PTGER4: variants seen among roughly 807,000 people sequenced by gnomAD.
PTGER4 encodes prostaglandin E2 receptor EP4 subtype.
A neutral mutation model predicts 33.2 loss-of-function variants in PTGER4; 11 were observed. The observed-to-expected ratio is 0.33, with a 90% CI of 0.21 to 0.55. The LOEUF (loss-of-function observed/expected upper bound fraction) is 0.55, where lower values mean the gene tolerates loss of function less well. PTGER4 is among the 20% of genes least tolerant of loss of function. The pLI is 0.92. For synonymous variants in PTGER4, 275 were observed against 281.5 expected (o/e 0.98, Z 0.23); for missense variants, 481 against 650.2 (o/e 0.74, Z 2.83).
chr5:40,710,951 T>A, the PTGER4 span, among the ~76,000 whole-genome samples: 58 of 152,064 alleles, frequency 3.8e-4, no homozygotes, highest in African/African-American at 1.4e-3. Context: ...AGGGGAGAGA[T>A]AGCATTAGGA....
At position 40,693,381 on chromosome 5, in the gene PTGER4, G is replaced by A. The variant is rs1024814002; in HGVS notation, c.*1003G>A. On this transcript the variant is annotated 3_prime_UTR_variant, in exon 3 of 3. Transcript: ENST00000302472. ...GTGTGTGTAGTTTTACTTTCCTAAGGAATTACCAAGAATATCCTTTAAAAT... is the reference window on the plus strand; with the variant it reads ...GTGTGTGTAGTTTTACTTTCCTAAGAAATTACCAAGAATATCCTTTAAAAT... The A allele has an allele frequency of 1.0e-6, 1 of 984,262 alleles. No individual in the cohort carries two copies. Among genetic ancestry groups the A allele is most frequent in the African/African-American group, 1.7e-5 (1 of 57,156 alleles). 61.0% of individuals were successfully genotyped at this position (984,262 alleles called of 1,614,324 possible). A position where few individuals can be genotyped will look rare whatever the true frequency, so the allele number is the denominator to read the frequency against.
chr5:40,735,482 T>C, the PTGER4 span, among the ~76,000 whole-genome samples: 2 of 152,304 alleles, frequency 1.3e-5, no homozygotes, highest in South Asian at 4.1e-4. Context: ...TAATTTGGGT[T>C]ACCTGGAAAA....
At chr5:40,726,462 C>CT in the PTGER4 span, among the ~76,000 whole-genome samples, 1,074 of 146,432 alleles carry the variant, frequency 7.3e-3, 8 homozygotes, top group African/African-American at 0.024. Flanking sequence ...TTTGAGTCAT[C>CT]TTTTTTTTTT....
chr5:40,743,292 G>C, the PTGER4 span, among the ~76,000 whole-genome samples: 2 of 152,156 alleles, frequency 1.3e-5, no homozygotes. Flanking sequence ...TTTTCAGACA[G>C]AGTCATAGCA....
At chr5:40,733,059 C>T in the PTGER4 span, among the ~76,000 whole-genome samples, 2 of 152,092 alleles carry the variant, frequency 1.3e-5, no homozygotes, top group Non-Finnish European at 2.9e-5. Flanking sequence ...CAAATTCTAT[C>T]CTAAGACAAA....
chr5:40,730,311 G>A, the PTGER4 span: 1 of 1,612,242 alleles, frequency 6.2e-7, no homozygotes, highest in South Asian at 1.1e-5. Flanking sequence ...TAACTGTAGT[G>A]CTTCATCCCA....
the PTGER4 span, among the ~76,000 whole-genome samples, chr5:40,700,427 G>GC: frequency 6.6e-6 from 1 of 152,224 alleles, no homozygotes; most frequent in Non-Finnish European, 1.5e-5. Context: ...TAACGAAGGA[G>GC]CAAAGACCCT....
the PTGER4 span, among the ~76,000 whole-genome samples, chr5:40,728,652 C>T: frequency 6.6e-6 from 1 of 152,100 alleles, no homozygotes; most frequent in East Asian, 1.9e-4. Flanking sequence ...CTTTTCACCC[C>T]TTATATAACT....
chr5:40,693,102 A>C lies in PTGER4; in HGVS notation c.*724A>C. The C allele has an allele frequency of 1.1e-6, 1 of 942,240 alleles. No homozygotes were observed. The highest frequency in any genetic ancestry group is 1.3e-6 in the Non-Finnish European group (1 of 790,378). The allele number at this position is 942,240 out of a possible 1,614,324, so 58.4% of individuals were successfully genotyped here. ...TTTAAGATGTGAAAATTACAGTCCA[A>C]AATACTGTTCTTTCCAGGCTATGTA... On this transcript the variant is annotated 3_prime_UTR_variant, in exon 3 of 3. Coordinates refer to ENST00000302472, the MANE Select transcript of PTGER4 (RefSeq NM_000958.3).
chr5:40,741,255 G>C, the PTGER4 span, among the ~76,000 whole-genome samples: 4 of 152,144 alleles, frequency 2.6e-5, no homozygotes, highest in Non-Finnish European at 5.9e-5. Context: ...AGGTTTTCTA[G>C]GGAAGGTCTG....
Position 40,680,837 on chromosome 5 carries a change from G to A in PTGER4, c.-43-114G>A, listed in dbSNP as rs925493957. 2.1e-6 allele frequency: 2 copies of A among 962,794 alleles called. No individual in the cohort carries two copies. The highest frequency in any genetic ancestry group is 1.7e-5 in the South Asian group (1 of 60,070). The allele number at this position is 962,794 out of a possible 1,614,324, so 59.6% of individuals were successfully genotyped here. A position where few individuals can be genotyped will look rare whatever the true frequency, so the allele number is the denominator to read the frequency against. On this transcript the variant is annotated intron_variant, in intron 1 of 2. Transcript: ENST00000302472. The surrounding 1 kb of genome is among the most constrained non-coding windows in gnomAD (Gnocchi z 5.5). ...TAAGTGGCTACAATCCAGAAAGTAG[G>A]ATCGAGTTGCTCCCCTTGTCTTATC... is the stretch of plus-strand genomic sequence containing the variant.
the PTGER4 span, among the ~76,000 whole-genome samples, chr5:40,711,075 A>C: frequency 6.6e-6 from 1 of 152,050 alleles, no homozygotes; most frequent in Non-Finnish European, 1.5e-5. Flanking sequence ...TTAATGTATA[A>C]TAAAAATATG....
the PTGER4 span, among the ~76,000 whole-genome samples, chr5:40,731,647 G>C: frequency 4.2e-3 from 635 of 152,276 alleles, 3 homozygotes; most frequent in African/African-American, 0.015. Context: ...AGAAACTGCC[G>C]CCATAATTCA....
the PTGER4 span, among the ~76,000 whole-genome samples, chr5:40,735,036 G>C: frequency 6.6e-6 from 1 of 152,150 alleles, no homozygotes; most frequent in Non-Finnish European, 1.5e-5. Flanking sequence ...GTCCATTCCA[G>C]GCAAAGGGAA....
At chr5:40,687,570 A>G (rs1314982011) in intron 2 of PTGER4, among the ~76,000 whole-genome samples, 1 of 152,212 alleles carries the variant, frequency 6.6e-6, no homozygotes, top group Non-Finnish European at 1.5e-5. Context: ...TAGCCTACTT[A>G]AAGTGAAGCA....
chr5:40,717,137 G>A, the PTGER4 span, among the ~76,000 whole-genome samples: 3 of 149,416 alleles, frequency 2.0e-5, no homozygotes, highest in Non-Finnish European at 4.4e-5. Context: ...GGTGAGGCAG[G>A]AGAATCGCTT....
the PTGER4 span, among the ~76,000 whole-genome samples, chr5:40,738,730 T>A: frequency 6.6e-6 from 1 of 152,150 alleles, no homozygotes; most frequent in Non-Finnish European, 1.5e-5. Flanking sequence ...ATCTTTTCAA[T>A]GTTAGCATTC....
At chr5:40,713,929 A>C in the PTGER4 span, among the ~76,000 whole-genome samples, 1 of 152,188 alleles carries the variant, frequency 6.6e-6, no homozygotes, top group African/African-American at 2.4e-5. Context: ...ATGAGCTAAA[A>C]TAAGCATTTT....
chr5:40,699,347 T>A, the PTGER4 span, among the ~76,000 whole-genome samples: 1 of 142,076 alleles, frequency 7.0e-6, no homozygotes, highest in Non-Finnish European at 1.5e-5. Flanking sequence ...TAGCTATTTT[T>A]AAAACTGAAT....
Sources: allele counts gnomAD v4.1 joint callset (sites outside exome capture counted in the v4.1 genomes callset), GRCh38; gene constraint gnomAD v4.1.1; non-coding constraint Gnocchi (gnomAD v3.1); transcripts MANE v1.5; gene names NCBI Gene and HGNC (gene_info 2026-07-23, HGNC 2026-07-21).